The following TOGARAM2 variants were observed in gnomAD, a reference collection of about 807,000 sequenced individuals.
TOGARAM2 encodes the protein TOG array regulator of axonemal microtubules protein 2.
Under a neutral mutation model 93.3 loss-of-function variants are expected in TOGARAM2, and 85 were observed. The observed-to-expected ratio is 0.91, with a 90% CI of 0.76 to 1.09. The LOEUF is 1.09. Among genes scored for constraint, TOGARAM2 ranks in the 50% least tolerant of loss-of-function variants. TOGARAM2 has a pLI of 0.00. For missense variants in TOGARAM2, 1,277 were observed against 1,334.5 expected, an observed-to-expected ratio of 0.96 and a Z score of 0.67; for synonymous variants, 593 against 552.8, an observed-to-expected ratio of 1.07 and a Z score of -1.02.
At chr2:28,971,553 G>A (rs1434503725) in intron 1 of TOGARAM2, among the ~76,000 whole-genome samples, 2 of 152,148 alleles carry the variant, frequency 1.3e-5, no homozygotes, top group Admixed American at 1.3e-4. Context: ...TGGGGGTGTG[G>A]GAGGGATCCT....
rs1553339196 is a variant in TOGARAM2 at position 29,006,080 on chromosome 2, C to CAT, written c.830+2398_830+2399insAT. On this transcript the variant is annotated intron_variant, in intron 6 of 19. Transcript: ENST00000379558. ...GTGTGTATGTGTATGTGTGAGAGCA[C>CAT]GTGTGTGTGTGTGGGGTGCATGTGT... Among the ~76,000 whole-genome samples the CAT allele has an allele frequency of 7.1e-5, 9 of 126,610 alleles. No individual in the cohort carries two copies. The East Asian group carries it at 2.0e-3, about 28-fold the overall frequency. The allele number at this position is 126,610 out of a possible 152,430, so 83.1% of individuals were successfully genotyped here. A position where few individuals can be genotyped will look rare whatever the true frequency, so the allele number is the denominator to read the frequency against.
At chr2:29,026,828 C>G (rs759016660) in intron 13 of TOGARAM2, 25 bp from the exon 14 acceptor site, 1 of 1,563,974 alleles carries the variant, frequency 6.4e-7, no homozygotes. Context: ...CTGAGACTGA[C>G]CCCTGGGCCA....
At chr2:29,032,858 T>G in intron 14 of TOGARAM2, 76 bp from the exon 15 acceptor site, 1 of 1,198,778 alleles carries the variant, frequency 8.3e-7, no homozygotes, top group Non-Finnish European at 1.2e-6. Context: ...ATTAGGAAGA[T>G]TATGTAAAGC....
intron 6 of TOGARAM2, among the ~76,000 whole-genome samples, chr2:29,010,419 G>A (rs1285426144): frequency 3.9e-5 from 6 of 152,096 alleles, no homozygotes; most frequent in South Asian, 2.1e-4. Flanking sequence ...GAGCAATGGC[G>A]AATCCCGGCT....
At chr2:28,969,733 C>T (rs1671917676) in intron 1 of TOGARAM2, among the ~76,000 whole-genome samples, 1 of 151,978 alleles carries the variant, frequency 6.6e-6, no homozygotes, top group Admixed American at 6.6e-5. Context: ...AATGTAACTG[C>T]TCTGACACAC....
Position 29,052,028 on chromosome 2 carries a change from A to G in TOGARAM2, c.2995A>G (p.Thr999Ala). The change falls in exon 20 of 20, where the codon ACT becomes GCT. Residue 999 changes from threonine (T) to alanine (A), a missense_variant. Coordinates refer to ENST00000379558, the MANE Select transcript of TOGARAM2 (RefSeq NM_199280.4). ...SESLGGSRKA[T>A]DRGVAPDSKT... is the part of the protein sequence containing the mutation. ...GTCCTTGGGAGGCAGCCGCAAGGCC[A>G]CTGACAGAGGGGTGGCCCCTGACAG... is the stretch of plus-strand genomic sequence containing the variant. 1.9e-6 allele frequency: 3 copies of G among 1,608,628 alleles called. No individual in the cohort carries two copies. The highest frequency in any genetic ancestry group is 2.5e-6 in the Non-Finnish European group (3 of 1,177,690).
chr2:28,999,344 C>G lies in TOGARAM2; in HGVS notation c.303C>G (p.Asp101Glu), dbSNP rs2148280471. The G allele has an allele frequency of 6.2e-7, 1 of 1,613,670 alleles. No homozygotes were observed. The highest frequency in any genetic ancestry group is 2.2e-5 in the East Asian group (1 of 44,870). Residue 101 changes from aspartate (D) to glutamate (E), a missense_variant, in exon 4 of 20, where the codon GAC becomes GAG. Coordinates refer to ENST00000379558, the MANE Select transcript of TOGARAM2 (RefSeq NM_199280.4). ...PRNLRALSLG[D>E]QPLVLLPSPE... ...ACCTCAGGGCCTTGTCTTTGGGGGA[C>G]CAGCCCCTGGTGCTCCTCCCTTCTC...
chr2:29,034,095 ACTC>A (rs1665941829), intron 16 of TOGARAM2, among the ~76,000 whole-genome samples: 1 of 151,686 alleles, frequency 6.6e-6, no homozygotes, highest in Non-Finnish European at 1.5e-5. Flanking sequence ...TCCCATCTGA[ACTC>A]CTTAGCAGGG....
At chr2:29,021,652 G>C (rs569427347) in intron 10 of TOGARAM2, among the ~76,000 whole-genome samples, 1 of 152,318 alleles carries the variant, frequency 6.6e-6, no homozygotes, top group African/African-American at 2.4e-5. Flanking sequence ...CTAGCCATCT[G>C]CTCTTGGACT....
intron 1 of TOGARAM2, among the ~76,000 whole-genome samples, chr2:28,988,639 A>G (rs896606014): frequency 6.6e-6 from 1 of 152,172 alleles, no homozygotes; most frequent in African/African-American, 2.4e-5. Context: ...TACAGAGAAC[A>G]AACAAGCAAA....
intron 1 of TOGARAM2, among the ~76,000 whole-genome samples, chr2:28,992,085 T>C (rs1672760502): frequency 6.6e-6 from 1 of 152,016 alleles, no homozygotes; most frequent in South Asian, 2.1e-4. Context: ...CAGTGCTGGG[T>C]GTGATGGGGC....
chr2:29,020,004 C>T (rs535038719), intron 10 of TOGARAM2, among the ~76,000 whole-genome samples: 1 of 152,342 alleles, frequency 6.6e-6, no homozygotes, highest in South Asian at 2.1e-4. Flanking sequence ...GCTGCTCATT[C>T]TTCTGGTCAC....
At chr2:28,977,605 G>A (rs1023744208), upstream of TOGARAM2, among the ~76,000 whole-genome samples, 1 of 152,172 alleles carries the variant, frequency 6.6e-6, no homozygotes, top group Admixed American at 6.5e-5. Context: ...CTCTCCCCAC[G>A]TGCAGTCAGG....
intron 1 of TOGARAM2, among the ~76,000 whole-genome samples, chr2:28,968,438 T>G (rs1263776136): frequency 1.3e-5 from 2 of 151,908 alleles, no homozygotes; most frequent in Non-Finnish European, 2.9e-5. Flanking sequence ...CCTTCTCCAC[T>G]CCCCGCAGCG....
At chr2:29,021,503 T>C (rs1039587013) in intron 10 of TOGARAM2, among the ~76,000 whole-genome samples, 1 of 152,190 alleles carries the variant, frequency 6.6e-6, no homozygotes, top group African/African-American at 2.4e-5. Flanking sequence ...GACTCCTTCC[T>C]GTCCTAGGAG....
At chr2:28,966,595 C>T (rs1382179218) in intron 1 of TOGARAM2, among the ~76,000 whole-genome samples, 1 of 152,094 alleles carries the variant, frequency 6.6e-6, no homozygotes, top group Non-Finnish European at 1.5e-5. Flanking sequence ...CGTGCCTGGC[C>T]AAATTATTGT....
chr2:29,030,720 G>T (rs1487007032), intron 14 of TOGARAM2, among the ~76,000 whole-genome samples: 1 of 152,110 alleles, frequency 6.6e-6, no homozygotes, highest in African/African-American at 2.4e-5. Flanking sequence ...CTGAGTGTAG[G>T]TGCTGCCAAG....
intron 2 of TOGARAM2, among the ~76,000 whole-genome samples, chr2:28,996,092 G>A (rs937714782): frequency 3.3e-5 from 5 of 152,210 alleles, no homozygotes; most frequent in Non-Finnish European, 7.3e-5. Flanking sequence ...ACAGGAGAGG[G>A]AGGGCTTCTC....
rs796201565 is a variant in TOGARAM2 at position 29,005,028 on chromosome 2, ATG to A, written c.830+1349_830+1350del. ...TGCATGTGTATGTGTGAGTGCATGTATGTGAGTGCATGTGTGTGCATGTGTAT... is the reference window on the plus strand; with the variant it reads ...TGCATGTGTATGTGTGAGTGCATGTATGAGTGCATGTGTGTGCATGTGTAT... On this transcript the variant is annotated intron_variant, in intron 6 of 19. Transcript: ENST00000379558. 4.8e-3 allele frequency among the ~76,000 whole-genome samples: 44 copies of A among 9,086 alleles called. 12 individuals are homozygous for A. The highest frequency in any genetic ancestry group is 6.5e-3 in the African/African-American group (38 of 5,822). 6.0% of individuals were successfully genotyped at this position (9,086 alleles called of 152,430 possible). A position where few individuals can be genotyped will look rare whatever the true frequency, so the allele number is the denominator to read the frequency against.
Sources: gnomAD v4.1 joint callset for allele counts (sites outside exome capture counted in the v4.1 genomes callset) on GRCh38, gnomAD v4.1.1 for gene constraint, MANE v1.5 for transcripts, NCBI Gene and HGNC (gene_info 2026-07-23, HGNC 2026-07-21) for gene names.